The following RNF130 variants were observed in gnomAD, a reference collection of about 807,000 sequenced individuals.
RNF130 encodes the protein E3 ubiquitin-protein ligase RNF130.
In RNF130, 21 loss-of-function variants were observed where a neutral mutation model predicts 44.6. The ratio of observed to expected loss-of-function variants is 0.47; its 90% CI spans 0.33 to 0.68. The LOEUF is 0.68. RNF130 is among the 30% of genes least tolerant of loss of function. RNF130 has a pLI of 0.02. For missense variants in RNF130, 479 were observed against 560.6 expected (o/e 0.85, Z 1.47); for synonymous variants, 214 against 210.4 (o/e 1.02, Z -0.15).
At chr5:180,067,027 C>T (rs913963145) in intron 1 of RNF130, among the ~76,000 whole-genome samples, 2 of 152,038 alleles carry the variant, frequency 1.3e-5, no homozygotes, top group African/African-American at 4.8e-5. Flanking sequence ...AGACCCTGTC[C>T]TTAAAATAAA....
intron 7 of RNF130, chr5:179,940,241 T>C (rs1404565694): frequency 6.6e-6 from 1 of 152,100 alleles, no homozygotes; most frequent in Admixed American, 6.6e-5. Context: ...TTTCTTTTTT[T>C]TTTTTGAGTT....
At chr5:180,051,522 C>A (rs557679345) in intron 1 of RNF130, among the ~76,000 whole-genome samples, 146 of 152,248 alleles carry the variant, frequency 9.6e-4, no homozygotes, top group Middle Eastern at 3.4e-3. Context: ...CAGGCGTGAG[C>A]CACCGCGCCC....
At chr5:180,028,373 C>A (rs970015747) in intron 2 of RNF130, among the ~76,000 whole-genome samples, 5 of 152,176 alleles carry the variant, frequency 3.3e-5, no homozygotes, top group Non-Finnish European at 7.3e-5. Context: ...ATCCAACTCC[C>A]TCTCTCTACT....
intron 3 of RNF130, 69 bp from the exon 4 acceptor site, chr5:179,980,269 C>G (rs188548753): frequency 7.1e-7 from 1 of 1,404,066 alleles, no homozygotes; most frequent in Non-Finnish European, 1.0e-6. Context: ...TATTTTTAAG[C>G]AATTAAAAGT....
chr5:179,961,035 G>A (rs1467228949), intron 8 of RNF130, among the ~76,000 whole-genome samples: 1 of 151,808 alleles, frequency 6.6e-6, no homozygotes, highest in Non-Finnish European at 1.5e-5. Flanking sequence ...CATTGGGTAA[G>A]AGTACTATTA....
chr5:180,017,304 G>A (rs1010744750), intron 2 of RNF130, among the ~76,000 whole-genome samples: 4 of 152,178 alleles, frequency 2.6e-5, no homozygotes, highest in Non-Finnish European at 5.9e-5. Flanking sequence ...GGAAGTGCAG[G>A]CCGGGTTGTA....
At chr5:179,951,792 T>C (rs553225018), downstream of RNF130, among the ~76,000 whole-genome samples, 13 of 152,096 alleles carry the variant, frequency 8.5e-5, no homozygotes, top group South Asian at 1.9e-3. Flanking sequence ...TATGAACACA[T>C]AGGATTCAAA....
chr5:179,965,299 G>A (rs1762416774), intron 7 of RNF130, among the ~76,000 whole-genome samples: 1 of 152,352 alleles, frequency 6.6e-6, no homozygotes, highest in East Asian at 1.9e-4. Context: ...CACAGTGGGT[G>A]CCAGCGGGAG....
chr5:180,025,129 C>G (rs1296167153), intron 2 of RNF130, among the ~76,000 whole-genome samples: 1 of 152,206 alleles, frequency 6.6e-6, no homozygotes, highest in Admixed American at 6.5e-5. Flanking sequence ...CTCACCCAGA[C>G]CTCTAACACC....
chr5:180,050,119 C>T (rs1764654443), intron 1 of RNF130, among the ~76,000 whole-genome samples: 1 of 152,192 alleles, frequency 6.6e-6, no homozygotes, highest in African/African-American at 2.4e-5. Context: ...GGCCACTCTC[C>T]CTATGTCTAG....
chr5:180,019,355 G>A (rs1763819985), intron 2 of RNF130, among the ~76,000 whole-genome samples: 1 of 150,366 alleles, frequency 6.7e-6, no homozygotes, highest in Non-Finnish European at 1.5e-5. Context: ...CTGCACTCCA[G>A]CCTGGGCGAC....
intron 2 of RNF130, among the ~76,000 whole-genome samples, chr5:180,025,706 A>C (rs1763969321): frequency 6.6e-6 from 1 of 152,242 alleles, no homozygotes; most frequent in Non-Finnish European, 1.5e-5. Flanking sequence ...AAAAATATAA[A>C]TGCAATTTAA....
intron 3 of RNF130, among the ~76,000 whole-genome samples, chr5:179,990,084 T>A (rs887754680): frequency 6.6e-6 from 1 of 151,906 alleles, no homozygotes; most frequent in Non-Finnish European, 1.5e-5. Flanking sequence ...ATTGCAGAAA[T>A]AAAGACACAA....
chr5:179,991,929 G>A (rs1257191193), intron 3 of RNF130, among the ~76,000 whole-genome samples: 7 of 152,040 alleles, frequency 4.6e-5, no homozygotes. Flanking sequence ...TAGATGCTTT[G>A]CATGTACAGT....
intron 8 of RNF130, among the ~76,000 whole-genome samples, chr5:179,960,516 G>A (rs937157622): frequency 6.6e-6 from 1 of 152,230 alleles, no homozygotes; most frequent in Non-Finnish European, 1.5e-5. Context: ...TGCACCCCTT[G>A]TGGGGATCCT....
chr5:179,982,708 T>G (rs772827850), intron 3 of RNF130, among the ~76,000 whole-genome samples: 1 of 152,192 alleles, frequency 6.6e-6, no homozygotes, highest in Admixed American at 6.5e-5. Context: ...GCCTCTGGAA[T>G]AGCAGGAACT....
At chr5:180,060,962 G>T (rs1405436621) in intron 1 of RNF130, among the ~76,000 whole-genome samples, 3 of 151,818 alleles carry the variant, frequency 2.0e-5, no homozygotes, top group African/African-American at 7.3e-5. Context: ...CCAGCTACGC[G>T]GGAGGCTGAG....
At chr5:180,031,187 A>AT (rs756121697) in intron 2 of RNF130, among the ~76,000 whole-genome samples, 1 of 152,154 alleles carries the variant, frequency 6.6e-6, no homozygotes, top group Non-Finnish European at 1.5e-5. Flanking sequence ...ACAGCAAGCT[A>AT]TTAGTAATTA....
chr5:179,955,694 G>A (rs771535134), intron 8 of RNF130, 25 bp from the exon 9 acceptor site: 1 of 1,554,654 alleles, frequency 6.4e-7, no homozygotes, highest in South Asian at 1.2e-5. Context: ...GAAAAAAGAG[G>A]TCATAAATTA....
Sources: allele counts gnomAD v4.1 joint callset (sites outside exome capture counted in the v4.1 genomes callset), GRCh38; gene constraint gnomAD v4.1.1; transcripts MANE v1.5; gene names NCBI Gene and HGNC (gene_info 2026-07-23, HGNC 2026-07-21).